The following CHD6 variants were observed in gnomAD, a reference collection of about 807,000 sequenced individuals.
CHD6 encodes the protein chromodomain helicase DNA binding protein 6, also known as ATP-dependent chromatin remodeler CHD6.
A neutral mutation model predicts 276.9 loss-of-function variants in CHD6; 50 were observed. That is an observed-to-expected ratio of 0.18 (90% CI 0.14 to 0.23). CHD6 has a LOEUF of 0.23. Among genes scored for constraint, CHD6 ranks in the 10% least tolerant of loss-of-function variants. CHD6 has a pLI of 1.00. For synonymous variants in CHD6, 1,173 were observed against 1,229.3 expected, an observed-to-expected ratio of 0.95 and a Z score of 0.96; for missense variants, 2,564 against 3,365.8, an observed-to-expected ratio of 0.76 and a Z score of 5.89.
intron 14 of CHD6, among the ~76,000 whole-genome samples, chr20:41,486,861 T>C (rs905929028): frequency 2.6e-5 from 4 of 152,108 alleles, no homozygotes; most frequent in Non-Finnish European, 5.9e-5. Context: ...TTTTTTTCTA[T>C]GCAGAGTGGT....
chr20:41,414,340 C>A (rs1406352737), intron 34 of CHD6: 1 of 152,372 alleles, frequency 6.6e-6, no homozygotes, highest in Non-Finnish European at 1.5e-5. Flanking sequence ...GCCTTATTTT[C>A]CTCACCTATA....
chr20:41,550,232 G>A (rs2045123727), intron 2 of CHD6, among the ~76,000 whole-genome samples: 2 of 152,156 alleles, frequency 1.3e-5, no homozygotes, highest in South Asian at 4.1e-4. Flanking sequence ...AGCAATTTAA[G>A]CCTTTATACA....
At chr20:41,448,781 T>G (rs1170450475) in intron 23 of CHD6, among the ~76,000 whole-genome samples, 1 of 152,192 alleles carries the variant, frequency 6.6e-6, no homozygotes, top group Non-Finnish European at 1.5e-5. Context: ...AGTGCCACTG[T>G]GGGCTCAAGT....
At chr20:41,580,645 C>CAAAAAAAAAAAAAAAAAA (rs373733112) in intron 1 of CHD6, among the ~76,000 whole-genome samples, 1 of 69,304 alleles carries the variant, frequency 1.4e-5, no homozygotes, top group Non-Finnish European at 2.8e-5. Context: ...AACCCAGTCT[C>CAAAAAAAAAAAAAAAAAA]AAAAAAAAAA....
chr20:41,570,230 T>C (rs2045402442), intron 1 of CHD6, among the ~76,000 whole-genome samples: 1 of 152,206 alleles, frequency 6.6e-6, no homozygotes, highest in Non-Finnish European at 1.5e-5. Context: ...CAGTGAACTC[T>C]CATTAGGTTG....
At position 41,463,459 on chromosome 20, in the gene CHD6, T is replaced by C. The variant is rs541624643; in HGVS notation, c.2665-6031A>G. 2.6e-5 allele frequency among the ~76,000 whole-genome samples: 4 copies of C among 152,332 alleles called. No homozygotes were observed. The East Asian group carries it at 5.8e-4, about 22-fold the overall frequency. ...TATAAGTGGAGAAATCGGACAGATA[T>C]CACTGTACTAAGTGATCAAAGTTAC... On this transcript the variant is annotated intron_variant, in intron 17 of 36. Transcript: ENST00000373233.
chr20:41,403,391 T>G lies in CHD6; in HGVS notation c.*1202A>C. 9.4e-7 allele frequency: 1 copy of G among 1,061,998 alleles called. No homozygotes were observed. Among genetic ancestry groups the G allele is most frequent in the Non-Finnish European group, 1.1e-6 (1 of 876,992 alleles). 65.8% of individuals were successfully genotyped at this position (1,061,998 alleles called of 1,614,324 possible). The stretch of plus-strand genomic sequence containing the variant: ...ATGGGGAAGTGCTGCTTAGGCAGTT[T>G]CTTTCTCAGTTCCTAAACATGGAGA... On this transcript the variant is annotated 3_prime_UTR_variant, in exon 37 of 37. Coordinates refer to ENST00000373233, the MANE Select transcript of CHD6 (RefSeq NM_032221.5).
At chr20:41,612,566 G>A (rs1383360657) in intron 1 of CHD6, among the ~76,000 whole-genome samples, 1 of 152,178 alleles carries the variant, frequency 6.6e-6, no homozygotes, top group East Asian at 1.9e-4. Flanking sequence ...AGCAGTGCAA[G>A]AATTTCTAAG....
intron 17 of CHD6, among the ~76,000 whole-genome samples, chr20:41,463,409 T>C (rs919494519): frequency 6.6e-6 from 1 of 152,184 alleles, no homozygotes; most frequent in Non-Finnish European, 1.5e-5. Context: ...TTACTTATTA[T>C]TTTCAAAGGG....
intron 19 of CHD6, 25 bp downstream of exon 19, chr20:41,455,775 C>A: frequency 6.9e-7 from 1 of 1,438,886 alleles, no homozygotes. Context: ...CCACCCCCAA[C>A]AGCTCTGGAG....
chr20:41,596,711 T>C (rs2045721630), intron 1 of CHD6, among the ~76,000 whole-genome samples: 1 of 152,158 alleles, frequency 6.6e-6, no homozygotes, highest in East Asian at 1.9e-4. Flanking sequence ...GAAGGGCCCA[T>C]GGAGTTTTTA....
At chr20:41,471,043 T>G (rs2043041052) in intron 17 of CHD6, among the ~76,000 whole-genome samples, 1 of 152,206 alleles carries the variant, frequency 6.6e-6, no homozygotes, top group Non-Finnish European at 1.5e-5. Flanking sequence ...TTTGTAACTG[T>G]CAAGGACTTA....
At position 41,500,789 on chromosome 20, in the gene CHD6, T is replaced by C. The variant is rs138062025; in HGVS notation, c.853-1432A>G. On this transcript the variant is annotated intron_variant, in intron 5 of 36. Transcript: ENST00000373233. ...GCTAGACCAGGAAATGCATAATCAATAGGTATTTTTTGAATGCTAAATAAC... is the reference window on the plus strand; with the variant it reads ...GCTAGACCAGGAAATGCATAATCAACAGGTATTTTTTGAATGCTAAATAAC... 5.3e-5 allele frequency among the ~76,000 whole-genome samples: 8 copies of C among 152,116 alleles called. No individual in the cohort carries two copies. In the East Asian group the frequency reaches 1.5e-3, roughly 29 times the overall value.
chr20:41,422,144 G>GC, intron 30 of CHD6, 65 bp from the exon 31 acceptor site: 1 of 1,503,258 alleles, frequency 6.7e-7, no homozygotes, highest in Non-Finnish European at 8.9e-7. Context: ...GCCCACCTGA[G>GC]CCCCTGCATC....
At chr20:41,603,213 T>C (rs1020759149) in intron 1 of CHD6, among the ~76,000 whole-genome samples, 4 of 151,014 alleles carry the variant, frequency 2.6e-5, no homozygotes, top group African/African-American at 9.7e-5. Flanking sequence ...ATTAGCTGGG[T>C]GAGTGGCAGG....
intron 31 of CHD6, among the ~76,000 whole-genome samples, chr20:41,418,697 G>A (rs1600810319): frequency 6.6e-6 from 1 of 152,084 alleles, no homozygotes; most frequent in African/African-American, 2.4e-5. Flanking sequence ...TGCTCCTTCA[G>A]GACTGTAGAT....
chr20:41,607,301 CCTT>C (rs2045839754), intron 1 of CHD6, among the ~76,000 whole-genome samples: 1 of 152,304 alleles, frequency 6.6e-6, no homozygotes, highest in South Asian at 2.1e-4. Context: ...AACGGTTGAT[CCTT>C]CTTCTTGAGT....
intron 1 of CHD6, among the ~76,000 whole-genome samples, chr20:41,585,199 G>A (rs1438844756): frequency 6.6e-6 from 1 of 152,128 alleles, no homozygotes; most frequent in Non-Finnish European, 1.5e-5. Context: ...AGCTACCGAA[G>A]CTCACTCAAG....
chr20:41,611,869 C>T (rs6102497), intron 1 of CHD6, among the ~76,000 whole-genome samples: 12 of 152,178 alleles, frequency 7.9e-5, no homozygotes, highest in Non-Finnish European at 1.6e-4. Context: ...AATTCCTGAC[C>T]TCAGGTGATC....
Sources: gnomAD v4.1 joint callset for allele counts (sites outside exome capture counted in the v4.1 genomes callset) on GRCh38, gnomAD v4.1.1 for gene constraint, MANE v1.5 for transcripts, NCBI Gene and HGNC (gene_info 2026-07-23, HGNC 2026-07-21) for gene names.